ME3: variants seen among roughly 807,000 people sequenced by gnomAD.
The protein encoded by ME3 is NADP-dependent malic enzyme, mitochondrial.
In ME3, 48 loss-of-function variants were observed where a neutral mutation model predicts 68.9. That is an observed-to-expected ratio of 0.70 (90% CI 0.55 to 0.89). The LOEUF is 0.89. Among genes scored for constraint, ME3 ranks in the 40% least tolerant of loss-of-function variants. ME3 has a pLI of 0.00. For missense variants in ME3, 675 were observed against 797.4 expected (o/e 0.85, Z 1.85); for synonymous variants, 320 against 318.8 (o/e 1.00, Z -0.04).
At chr11:86,535,256 C>T (rs1300965703) in intron 4 of ME3, among the ~76,000 whole-genome samples, 1 of 152,132 alleles carries the variant, frequency 6.6e-6, no homozygotes, top group African/African-American at 2.4e-5. Flanking sequence ...TTCACCCTAC[C>T]TTCATCTGTT....
chr11:86,589,647 G>A (rs1344296021), intron 2 of ME3, among the ~76,000 whole-genome samples: 1 of 152,230 alleles, frequency 6.6e-6, no homozygotes, highest in Non-Finnish European at 1.5e-5. Flanking sequence ...CTGTGGCCAA[G>A]AGAACTATTT....
chr11:86,559,808 G>C, exon 3 of ME3: 1 of 1,613,904 alleles, frequency 6.2e-7, no homozygotes, highest in Non-Finnish European at 8.5e-7. Context: ...CTTTCTTCAA[G>C]GGTAAAGGCC....
At chr11:86,664,859 C>G (rs189822647) in intron 2 of ME3, among the ~76,000 whole-genome samples, 1 of 152,334 alleles carries the variant, frequency 6.6e-6, no homozygotes, top group East Asian at 1.9e-4. Context: ...TCCCTGGGCT[C>G]TGCTTAAAGC....
At chr11:86,625,579 C>G (rs1943612714) in intron 2 of ME3, among the ~76,000 whole-genome samples, 1 of 152,122 alleles carries the variant, frequency 6.6e-6, no homozygotes, top group African/African-American at 2.4e-5. Context: ...GATTCCTTCT[C>G]CATGTATTCA....
chr11:86,552,286 C>T (rs1322516105), intron 4 of ME3, among the ~76,000 whole-genome samples: 1 of 152,220 alleles, frequency 6.6e-6, no homozygotes, highest in Admixed American at 6.5e-5. Context: ...TGCCTGGCTT[C>T]AAAGTCCGTG....
intron 14 of ME3, among the ~76,000 whole-genome samples, chr11:86,441,652 G>T (rs1176800398): frequency 6.6e-6 from 1 of 152,086 alleles, no homozygotes; most frequent in Non-Finnish European, 1.5e-5. Flanking sequence ...ACTGAGCCAG[G>T]GTCAAGAGGC....
intron 2 of ME3, among the ~76,000 whole-genome samples, chr11:86,650,731 T>A (rs190404334): frequency 6.6e-6 from 1 of 152,170 alleles, no homozygotes; most frequent in Admixed American, 6.5e-5. Context: ...TCACCAGGGA[T>A]TGTCAGACAG....
At chr11:86,529,877 G>A (rs1955070574) in intron 4 of ME3, among the ~76,000 whole-genome samples, 2 of 152,146 alleles carry the variant, frequency 1.3e-5, no homozygotes, top group Non-Finnish European at 1.5e-5. Context: ...GGTTGTCTAT[G>A]ACAAACCCAC....
intron 2 of ME3, among the ~76,000 whole-genome samples, chr11:86,656,667 G>T (rs1817192112): frequency 6.6e-6 from 1 of 151,866 alleles, no homozygotes; most frequent in African/African-American, 2.4e-5. Flanking sequence ...GTTAATGGGT[G>T]CAGCACACCA....
intron 4 of ME3, among the ~76,000 whole-genome samples, chr11:86,524,864 A>C (rs1349865159): frequency 6.6e-6 from 1 of 152,240 alleles, no homozygotes; most frequent in Non-Finnish European, 1.5e-5. Flanking sequence ...AGCAGGGGGA[A>C]GGGGAGAAGC....
intron 4 of ME3, among the ~76,000 whole-genome samples, chr11:86,545,781 A>G (rs1327901912): frequency 1.3e-5 from 2 of 152,202 alleles, no homozygotes; most frequent in East Asian, 3.8e-4. Flanking sequence ...TCAAGCTACC[A>G]TTGACTTTCT....
intron 4 of ME3, among the ~76,000 whole-genome samples, chr11:86,525,957 A>G (rs966587734): frequency 2.0e-5 from 3 of 152,036 alleles, no homozygotes; most frequent in Non-Finnish European, 4.4e-5. Flanking sequence ...GAGAAGACGT[A>G]TGATTTCTGC....
chr11:86,474,183 G>A (rs1416707408), intron 7 of ME3, among the ~76,000 whole-genome samples: 1 of 152,166 alleles, frequency 6.6e-6, no homozygotes, highest in African/African-American at 2.4e-5. Flanking sequence ...AGCCAGACTG[G>A]CAGGCTCCTG....
intron 2 of ME3, among the ~76,000 whole-genome samples, chr11:86,631,701 G>A (rs1944027424): frequency 6.6e-6 from 1 of 152,112 alleles, no homozygotes. Flanking sequence ...ATGGCACATT[G>A]GAAGCCTACG....
intron 2 of ME3, among the ~76,000 whole-genome samples, chr11:86,581,558 AG>A (rs1459748590): frequency 6.6e-6 from 1 of 152,246 alleles, no homozygotes; most frequent in Non-Finnish European, 1.5e-5. Flanking sequence ...TAAGTGAAGC[AG>A]TTTGGGTAAA....
intron 4 of ME3, among the ~76,000 whole-genome samples, chr11:86,527,923 G>C (rs1048341114): frequency 2.0e-5 from 3 of 152,128 alleles, no homozygotes; most frequent in Non-Finnish European, 4.4e-5. Context: ...AGAGACCATC[G>C]AGGCTAGGAA....
chr11:86,466,578 A>T (rs1486858291), intron 7 of ME3, among the ~76,000 whole-genome samples: 1 of 152,140 alleles, frequency 6.6e-6, no homozygotes, highest in African/African-American at 2.4e-5. Context: ...CATCTTTCTG[A>T]TGAGGCTGGT....
intron 2 of ME3, among the ~76,000 whole-genome samples, chr11:86,610,797 T>C (rs1942514088): frequency 6.6e-6 from 1 of 152,146 alleles, no homozygotes; most frequent in Non-Finnish European, 1.5e-5. Flanking sequence ...GGAGAAACAA[T>C]GAGGACTTGT....
chr11:86,484,269 A>C (rs1297238676), intron 7 of ME3, among the ~76,000 whole-genome samples: 4 of 139,582 alleles, frequency 2.9e-5, no homozygotes, highest in Non-Finnish European at 5.1e-5. Context: ...ACATTTCCCA[A>C]GGTTCTTTCT....
Sources: gnomAD v4.1 joint callset for allele counts (sites outside exome capture counted in the v4.1 genomes callset) on GRCh38, gnomAD v4.1.1 for gene constraint, MANE v1.5 for transcripts, NCBI Gene and HGNC (gene_info 2026-07-23, HGNC 2026-07-21) for gene names.